MEGF10: variants seen among roughly 807,000 people sequenced by gnomAD.
The protein encoded by MEGF10 is multiple EGF like domains 10.
A neutral mutation model predicts 147.5 loss-of-function variants in MEGF10; 86 were observed. The observed-to-expected ratio is 0.58, with a 90% CI of 0.49 to 0.70. The LOEUF (loss-of-function observed/expected upper bound fraction) is 0.70. Ranked by LOEUF, MEGF10 falls within the 30% of genes least tolerant of loss-of-function variation. The probability of loss-of-function intolerance (pLI) is 0.00; values close to 1 mark genes in which losing one functional copy is unlikely to be tolerated. For synonymous variants in MEGF10, 478 were observed against 525.5 expected (o/e 0.91, Z 1.24); for missense variants, 1,329 against 1,487.3 (o/e 0.89, Z 1.75).
At chr5:127,401,194 A>G (rs1464142757) in intron 7 of MEGF10, among the ~76,000 whole-genome samples, 1 of 152,090 alleles carries the variant, frequency 6.6e-6, no homozygotes, top group Non-Finnish European at 1.5e-5. Flanking sequence ...CTTTTACCTC[A>G]CATTAAGTAT....
intron 1 of MEGF10, among the ~76,000 whole-genome samples, chr5:127,311,273 A>G (rs1229590411): frequency 6.6e-6 from 1 of 152,228 alleles, no homozygotes; most frequent in African/African-American, 2.4e-5. Flanking sequence ...TAAAAAAGCA[A>G]CTGGGGAGTA....
chr5:127,230,000 G>T, the MEGF10 span, among the ~76,000 whole-genome samples: 1 of 152,164 alleles, frequency 6.6e-6, no homozygotes. Context: ...GCATCAATAA[G>T]AAAAACGAAA....
In MEGF10 at chr5:127,374,692, A is replaced by G. The variant is rs1400983236; in HGVS notation, c.412+4690A>G. ...CTACTGAATATTCTGTTTCCTAGAT[A>G]CTAAAGTTAACTTGAAACAACTAGC... On this transcript the variant is annotated intron_variant, in intron 5 of 24. Coordinates refer to ENST00000503335, the MANE Select transcript of MEGF10 (RefSeq NM_001256545.2). Among the ~76,000 whole-genome samples, 6 of 152,336 alleles carry G rather than the reference A, an allele frequency of 3.9e-5. No individual in the cohort carries two copies. In the East Asian group the frequency reaches 9.6e-4, roughly 24 times the overall value.
intron 1 of MEGF10, among the ~76,000 whole-genome samples, chr5:127,331,006 T>A (rs1471770437): frequency 6.6e-6 from 1 of 152,220 alleles, no homozygotes; most frequent in African/African-American, 2.4e-5. Flanking sequence ...CTGGTAGATT[T>A]CTTTAATATT....
chr5:127,402,947 G>A (rs1162413192), intron 8 of MEGF10, among the ~76,000 whole-genome samples: 1 of 152,178 alleles, frequency 6.6e-6, no homozygotes, highest in Non-Finnish European at 1.5e-5. Context: ...AACCCATGAT[G>A]AAAATGTCAT....
chr5:127,391,286 T>A (rs1339105994), intron 5 of MEGF10, among the ~76,000 whole-genome samples: 1 of 152,092 alleles, frequency 6.6e-6, no homozygotes, highest in African/African-American at 2.4e-5. Flanking sequence ...ATAAGAGTGC[T>A]GGTTTCTAGC....
chr5:127,301,891 A>G (rs915268146), intron 1 of MEGF10, among the ~76,000 whole-genome samples: 1 of 152,234 alleles, frequency 6.6e-6, no homozygotes, highest in African/African-American at 2.4e-5. Flanking sequence ...AAATGCTTAA[A>G]TAAGATTCTA....
chr5:127,300,133 A>G (rs1016253151), intron 1 of MEGF10: 1 of 152,170 alleles, frequency 6.6e-6, no homozygotes, highest in African/African-American at 2.4e-5. Context: ...TTTGCCAATG[A>G]TATAGATGAC....
At chr5:127,398,083 G>C (rs1178710057) in intron 6 of MEGF10, among the ~76,000 whole-genome samples, 2 of 148,490 alleles carry the variant, frequency 1.3e-5, no homozygotes, top group African/African-American at 5.0e-5. Context: ...GGGGAAAGGG[G>C]AGGGAGAGCA....
At chr5:127,410,178 G>A (rs2126951343) in intron 8 of MEGF10, among the ~76,000 whole-genome samples, 1 of 152,154 alleles carries the variant, frequency 6.6e-6, no homozygotes, top group South Asian at 2.1e-4. Context: ...TTTTGTTTTT[G>A]TTTTCTACAG....
chr5:127,401,207 C>T (rs956687930), intron 7 of MEGF10, among the ~76,000 whole-genome samples: 1 of 152,090 alleles, frequency 6.6e-6, no homozygotes, highest in Non-Finnish European at 1.5e-5. Flanking sequence ...TTAAGTATAC[C>T]ATGTCAGGCT....
intron 13 of MEGF10, among the ~76,000 whole-genome samples, chr5:127,427,836 G>A (rs1765255107): frequency 6.6e-6 from 1 of 152,202 alleles, no homozygotes; most frequent in African/African-American, 2.4e-5. Context: ...AGTCAAATGA[G>A]TTTAATTAAC....
upstream of MEGF10, among the ~76,000 whole-genome samples, chr5:127,287,850 A>G (rs2127018920): frequency 6.6e-6 from 1 of 152,212 alleles, no homozygotes; most frequent in Admixed American, 6.5e-5. Context: ...GAGTCCTATT[A>G]TAAAGTTATA....
At chr5:127,393,715 A>C (rs1486373637) in intron 5 of MEGF10, among the ~76,000 whole-genome samples, 1 of 152,222 alleles carries the variant, frequency 6.6e-6, no homozygotes, top group Non-Finnish European at 1.5e-5. Flanking sequence ...TCAGCATGAT[A>C]ATATTTCTTG....
At chr5:127,429,708 C>G (rs1765332886) in intron 13 of MEGF10, among the ~76,000 whole-genome samples, 1 of 152,104 alleles carries the variant, frequency 6.6e-6, no homozygotes, top group South Asian at 2.1e-4. Flanking sequence ...AGTTTCATGC[C>G]TTGTCACTTT....
At chr5:127,351,015 TA>T (rs1762067185) in intron 4 of MEGF10, among the ~76,000 whole-genome samples, 1 of 146,240 alleles carries the variant, frequency 6.8e-6, no homozygotes, top group African/African-American at 2.6e-5. Flanking sequence ...GGGGGTGGGG[TA>T]GGGGGAAAAT....
At position 127,339,208 on chromosome 5, in the gene MEGF10, T is replaced by G; in HGVS notation, c.205T>G (p.Cys69Gly). ...CACTGACATTCTAAACTGGTTTAAA[T>G]GCACGCGGCACAGGTAATAGAAGCT... ...SCTDILNWFK[C>G]TRHRVSYRTA... The change falls in exon 3 of 25, where the codon TGC (cysteine) becomes GGC (glycine). Residue 69 changes from cysteine to glycine, a missense_variant. Around this residue, in one of 3 missense-constraint regions of MEGF10, gnomAD observed 980 missense variants for 1,085.9 expected, o/e 0.90. Transcript: ENST00000503335. The G allele has an allele frequency of 6.2e-7, 1 of 1,611,426 alleles. No homozygotes were observed. The highest frequency in any genetic ancestry group is 8.5e-7 in the Non-Finnish European group (1 of 1,177,904).
the MEGF10 span, among the ~76,000 whole-genome samples, chr5:127,276,871 T>C: frequency 6.6e-6 from 1 of 151,908 alleles, no homozygotes; most frequent in African/African-American, 2.4e-5. Flanking sequence ...GGATCAGGTG[T>C]GTTGGGGAAG....
intron 5 of MEGF10, among the ~76,000 whole-genome samples, chr5:127,390,651 ATCT>A (rs1763614598): frequency 6.6e-6 from 1 of 152,190 alleles, no homozygotes. Flanking sequence ...TCATAAAATC[ATCT>A]TCTATAAAAA....
Sources: gnomAD v4.1 joint callset for allele counts (sites outside exome capture counted in the v4.1 genomes callset) on GRCh38, gnomAD v4.1.1 for gene constraint, gnomAD v4.1.1 regional missense constraint, MANE v1.5 for transcripts, NCBI Gene and HGNC (gene_info 2026-07-23, HGNC 2026-07-21) for gene names.